TMEM132D: variants seen among roughly 807,000 people sequenced by gnomAD.
TMEM132D encodes transmembrane protein 132D.
In TMEM132D, 21 loss-of-function variants were observed where a neutral mutation model predicts 62.3. The ratio of observed to expected loss-of-function variants is 0.34; its 90% confidence interval spans 0.24 to 0.49. The LOEUF (loss-of-function observed/expected upper bound fraction) is 0.49. TMEM132D is among the 20% of genes least tolerant of loss of function. TMEM132D has a pLI of 0.99. For synonymous variants in TMEM132D, 621 were observed against 575.6 expected (o/e 1.08, Z -1.13); for missense variants, 1,346 against 1,402.8 (o/e 0.96, Z 0.65).
intron 5 of TMEM132D, among the ~76,000 whole-genome samples, chr12:129,087,905 ACCGGGGTGTCCTCCCTGACCGGGTG>A (rs1565959422): frequency 3.9e-5 from 5 of 126,592 alleles, no homozygotes; most frequent in East Asian, 2.4e-4. Context: ...GTCCTCCCTG[ACCGGGGTGTCCTCCCTGACCGGGTG>A]TCCTCCATGA....
chr12:129,239,929 G>A (rs1195035766), intron 4 of TMEM132D, among the ~76,000 whole-genome samples: 2 of 152,126 alleles, frequency 1.3e-5, no homozygotes, highest in African/African-American at 4.8e-5. Context: ...TTAGTTCCCT[G>A]GTTCTGGGCC....
At chr12:129,291,598 T>A (rs1881448121) in intron 4 of TMEM132D, among the ~76,000 whole-genome samples, 1 of 152,134 alleles carries the variant, frequency 6.6e-6, no homozygotes, top group African/African-American at 2.4e-5. Flanking sequence ...GTCTGTAAAA[T>A]TTGGAACACA....
chr12:129,385,757 A>AT (rs1871091250), intron 3 of TMEM132D, among the ~76,000 whole-genome samples: 1 of 152,240 alleles, frequency 6.6e-6, no homozygotes, highest in Non-Finnish European at 1.5e-5. Context: ...AAGGCAAACA[A>AT]TATCTTCTGC....
chr12:129,074,386 G>A lies in TMEM132D; in HGVS notation c.2789C>T (p.Ala930Val), dbSNP rs1251316097. 1 of 1,613,968 alleles carries A rather than the reference G, an allele frequency of 6.2e-7. No homozygotes were observed. The change falls in exon 9 of 9, where the codon GCC (alanine) becomes GTC (valine). Residue 930 changes from alanine to valine, a missense_variant. Transcript: ENST00000422113. ...ACAGTTTATCAAGAAGACCAAAATG[G>A]CCAAACAGAAGACTCCCAACAAAGC... ...MYALLGVFCL[A>V]ILVFLINCVT...
intron 3 of TMEM132D, among the ~76,000 whole-genome samples, chr12:129,487,860 C>T (rs1368294947): frequency 6.8e-6 from 1 of 148,030 alleles, no homozygotes; most frequent in Non-Finnish European, 1.5e-5. Flanking sequence ...TGGCGTGAAC[C>T]CGGGAGGTGG....
At chr12:129,321,221 A>G (rs1868694478) in intron 4 of TMEM132D, among the ~76,000 whole-genome samples, 1 of 152,204 alleles carries the variant, frequency 6.6e-6, no homozygotes, top group Admixed American at 6.5e-5. Context: ...ATTCCATTAT[A>G]TGATGGAAAA....
intron 4 of TMEM132D, among the ~76,000 whole-genome samples, chr12:129,332,327 G>A (rs1312787537): frequency 6.6e-6 from 1 of 151,936 alleles, no homozygotes; most frequent in Non-Finnish European, 1.5e-5. Context: ...AGACATTAGG[G>A]GGAAAAAAGG....
chr12:129,165,525 G>A (rs1405155983), intron 5 of TMEM132D, among the ~76,000 whole-genome samples: 1 of 152,170 alleles, frequency 6.6e-6, no homozygotes, highest in Admixed American at 6.5e-5. Flanking sequence ...AACAAGCACA[G>A]CAAAATGTTC....
chr12:129,434,745 G>A (rs945259985), intron 3 of TMEM132D, among the ~76,000 whole-genome samples: 1 of 151,868 alleles, frequency 6.6e-6, no homozygotes, highest in Non-Finnish European at 1.5e-5. Flanking sequence ...TTTGCATAAC[G>A]ATCAAATCAG....
At chr12:129,124,051 T>C (rs996850514) in intron 5 of TMEM132D, among the ~76,000 whole-genome samples, 5 of 152,226 alleles carry the variant, frequency 3.3e-5, no homozygotes, top group African/African-American at 1.2e-4. Flanking sequence ...TCTATCTATG[T>C]GCAGCCGACT....
intron 4 of TMEM132D, among the ~76,000 whole-genome samples, chr12:129,333,568 G>A (rs185995771): frequency 9.9e-5 from 15 of 152,240 alleles, no homozygotes; most frequent in African/African-American, 2.2e-4. Context: ...CTTCTAAGGC[G>A]GACGCTGCTG....
intron 3 of TMEM132D, among the ~76,000 whole-genome samples, chr12:129,475,224 G>A (rs1454948484): frequency 1.3e-5 from 2 of 152,178 alleles, no homozygotes; most frequent in African/African-American, 4.8e-5. Flanking sequence ...AGACTCAGCT[G>A]AACACATAGT....
At chr12:129,829,105 G>C (rs556273797) in intron 1 of TMEM132D, among the ~76,000 whole-genome samples, 1 of 152,030 alleles carries the variant, frequency 6.6e-6, no homozygotes, top group African/African-American at 2.4e-5. Context: ...GATGGCTAAG[G>C]CTCTGTTGAT....
intron 1 of TMEM132D, among the ~76,000 whole-genome samples, chr12:129,834,870 G>C (rs893735186): frequency 6.6e-6 from 1 of 152,194 alleles, no homozygotes; most frequent in Non-Finnish European, 1.5e-5. Context: ...TGGAACCTAT[G>C]AGCTTTTTGG....
intron 5 of TMEM132D, among the ~76,000 whole-genome samples, chr12:129,125,918 T>C (rs1051313574): frequency 4.6e-5 from 7 of 152,222 alleles, no homozygotes; most frequent in Non-Finnish European, 1.0e-4. Context: ...AGATTTCCTC[T>C]TGAAACAGAG....
intron 3 of TMEM132D, among the ~76,000 whole-genome samples, chr12:129,458,912 G>A (rs527850800): frequency 7.9e-5 from 12 of 152,164 alleles, no homozygotes; most frequent in African/African-American, 2.9e-4. Context: ...AGGCATCTCA[G>A]AAACCTCAGT....
At position 129,490,122 on chromosome 12, in the gene TMEM132D, T is replaced by C. The variant is rs113180317; in HGVS notation, c.1115+40937A>G. 2.8e-3 allele frequency among the ~76,000 whole-genome samples: 433 copies of C among 152,340 alleles called. 1 individual carries two copies. The highest frequency in any genetic ancestry group is 9.9e-3 in the African/African-American group (412 of 41,578). ...AATGGACACACTGCATTCTGTTCAATGTAGCTACTATAGTTCATTTAGTCA... is the reference window on the plus strand; with the variant it reads ...AATGGACACACTGCATTCTGTTCAACGTAGCTACTATAGTTCATTTAGTCA... On this transcript the variant is annotated intron_variant, in intron 3 of 8. Coordinates refer to ENST00000422113, the MANE Select transcript of TMEM132D (RefSeq NM_133448.3).
At chr12:129,086,202 G>A (rs1333811770) in intron 5 of TMEM132D, among the ~76,000 whole-genome samples, 1 of 48,268 alleles carries the variant, frequency 2.1e-5, no homozygotes, top group African/African-American at 1.3e-4. Flanking sequence ...ACGCGCGCGC[G>A]TGTGTGTGTG....
At chr12:129,269,218 T>A (rs1347183431) in intron 4 of TMEM132D, among the ~76,000 whole-genome samples, 1 of 152,190 alleles carries the variant, frequency 6.6e-6, no homozygotes, top group African/African-American at 2.4e-5. Flanking sequence ...TCTGTGTCAC[T>A]GTTTCTTTCT....
Sources: allele counts gnomAD v4.1 joint callset (sites outside exome capture counted in the v4.1 genomes callset), GRCh38; gene constraint gnomAD v4.1.1; transcripts MANE v1.5; gene names NCBI Gene and HGNC (gene_info 2026-07-23, HGNC 2026-07-21).